The following PPP2R5E variants were observed in gnomAD, a reference collection of about 807,000 sequenced individuals.
The protein encoded by PPP2R5E is serine/threonine-protein phosphatase 2A 56 kDa regulatory subunit epsilon isoform.
In PPP2R5E, 4 loss-of-function variants were observed where a neutral mutation model predicts 65.3. The ratio of observed to expected loss-of-function variants is 0.06; its 90% CI spans 0.03 to 0.14. PPP2R5E has a LOEUF of 0.14. Among genes scored for constraint, PPP2R5E ranks in the 10% least tolerant of loss-of-function variants. The pLI is 1.00. For synonymous variants in PPP2R5E, 183 were observed against 187.4 expected (o/e 0.98, Z 0.19); for missense variants, 274 against 556.1 (o/e 0.49, Z 5.10).
intron 4 of PPP2R5E, among the ~76,000 whole-genome samples, chr14:63,416,223 G>C (rs1262624276): frequency 1.3e-5 from 2 of 152,230 alleles, no homozygotes; most frequent in African/African-American, 4.8e-5. Flanking sequence ...AGAAGGCTGA[G>C]GAGGGAGGAC....
intron 3 of PPP2R5E, among the ~76,000 whole-genome samples, chr14:63,424,301 T>C (rs1434553001): frequency 1.3e-5 from 2 of 152,100 alleles, no homozygotes; most frequent in Non-Finnish European, 2.9e-5. Context: ...TAGAGACATA[T>C]TAAGGGAGCA....
intron 2 of PPP2R5E, among the ~76,000 whole-genome samples, chr14:63,473,010 G>A (rs760725433): frequency 2.6e-5 from 4 of 152,192 alleles, no homozygotes; most frequent in Non-Finnish European, 5.9e-5. Context: ...GTTGATGGCC[G>A]TGGAAGAATA....
At chr14:63,527,924 G>GAA (rs397806689) in intron 2 of PPP2R5E, among the ~76,000 whole-genome samples, 8 of 123,258 alleles carry the variant, frequency 6.5e-5, no homozygotes, top group African/African-American at 1.5e-4. Context: ...GACAATGTAA[G>GAA]AAAAAAAAAA....
chr14:63,458,077 T>C (rs939134793), intron 2 of PPP2R5E, among the ~76,000 whole-genome samples: 1 of 152,174 alleles, frequency 6.6e-6, no homozygotes, highest in Non-Finnish European at 1.5e-5. Context: ...GTTCATTACA[T>C]CTGAATATTT....
chr14:63,519,168 C>G (rs1892781139), intron 2 of PPP2R5E, among the ~76,000 whole-genome samples: 1 of 151,814 alleles, frequency 6.6e-6, no homozygotes. Context: ...GAGCCAAGAT[C>G]GTGCCATTGC....
chr14:63,391,806 T>C lies in PPP2R5E; in HGVS notation c.954+11A>G. On this transcript the variant is annotated intron_variant, in intron 10 of 13. Transcript: ENST00000337537. ...GTAAGCTATGAACACTCTCTGACAG[T>C]AAGCACTTACCTCTTTTTGACTACA... is the stretch of plus-strand genomic sequence containing the variant. The C allele has an allele frequency of 6.2e-7, 1 of 1,611,412 alleles. No homozygotes were observed. The highest frequency in any genetic ancestry group is 8.5e-7 in the Non-Finnish European group (1 of 1,177,562).
chr14:63,423,328 C>T (rs1159064864), intron 3 of PPP2R5E, among the ~76,000 whole-genome samples: 1 of 152,184 alleles, frequency 6.6e-6, no homozygotes, highest in Admixed American at 6.5e-5. Context: ...AACTCCTGAC[C>T]TCAAGTGACC....
chr14:63,387,507 T>C (rs1337489977), intron 11 of PPP2R5E, among the ~76,000 whole-genome samples: 1 of 152,140 alleles, frequency 6.6e-6, no homozygotes, highest in African/African-American at 2.4e-5. Flanking sequence ...CAATGATAAG[T>C]GTCTGGCTAC....
At chr14:63,434,199 A>G (rs1474294988) in intron 3 of PPP2R5E, among the ~76,000 whole-genome samples, 1 of 152,204 alleles carries the variant, frequency 6.6e-6, no homozygotes, top group Non-Finnish European at 1.5e-5. Context: ...ATGCAAAAAA[A>G]ATCAGTCTCT....
In PPP2R5E at chr14:63,503,483, C is replaced by T. The variant is rs567775426; in HGVS notation, c.157+36046G>A. On this transcript the variant is annotated intron_variant, in intron 2 of 13. Transcript: ENST00000337537. ...CAGGTAAAAGATAGCAAATCAACAA[C>T]TCCAACCAATTTCTCAGGTGATTCC... Among the ~76,000 whole-genome samples, 3 of 152,294 alleles carry T rather than the reference C, an allele frequency of 2.0e-5. No individual in the cohort carries two copies. The South Asian group carries it at 6.2e-4, about 32-fold the overall frequency.
At chr14:63,498,343 C>A (rs994742212) in intron 2 of PPP2R5E, among the ~76,000 whole-genome samples, 11 of 151,000 alleles carry the variant, frequency 7.3e-5, no homozygotes, top group Non-Finnish European at 1.3e-4. Context: ...ACCTCTCTGT[C>A]CACTTCACTA....
chr14:63,404,213 G>A (rs7144210), intron 5 of PPP2R5E, among the ~76,000 whole-genome samples: 48,678 of 151,960 alleles, frequency 0.32, 10,829 homozygotes, highest in African/African-American at 0.61. Flanking sequence ...AGAGCAAAAG[G>A]TTTCGAGCAA....
Position 63,529,495 on chromosome 14 carries a change from G to T in PPP2R5E, c.157+10034C>A, listed in dbSNP as rs534139861. Reference sequence around the variant, plus strand: ...CCTGCCTCAGCCTTCCGAGTAGCTGGGACTACAGGCACCTGCTACCACGCC... The same window carrying T: ...CCTGCCTCAGCCTTCCGAGTAGCTGTGACTACAGGCACCTGCTACCACGCC... On this transcript the variant is annotated intron_variant, in intron 2 of 13. Transcript: ENST00000337537. Among the ~76,000 whole-genome samples, 3 of 151,994 alleles carry T rather than the reference G, an allele frequency of 2.0e-5. No homozygotes were observed. The East Asian group carries it at 5.8e-4, about 29-fold the overall frequency.
rs113618626 is a variant in PPP2R5E at position 63,429,689 on chromosome 14, GT to G, written c.355-7596del. Among the ~76,000 whole-genome samples, 589 of 144,408 alleles carry G rather than the reference GT, an allele frequency of 4.1e-3. 3 individuals are homozygous for G. Among genetic ancestry groups the G allele is most frequent in the African/African-American group, 0.013 (523 of 39,646 alleles). 94.7% of individuals were successfully genotyped at this position (144,408 alleles called of 152,430 possible). A position where few individuals can be genotyped will look rare whatever the true frequency, so the allele number is the denominator to read the frequency against. On this transcript the variant is annotated intron_variant, in intron 3 of 13. Transcript: ENST00000337537. Reference sequence around the variant, plus strand: ...TGTTTGTTTTTGTTTTTTGTTTTTTGTTTTTTTTTTTGAGACAGATTTTCAT... The same window carrying G: ...TGTTTGTTTTTGTTTTTTGTTTTTTGTTTTTTTTTTGAGACAGATTTTCAT...
intron 2 of PPP2R5E, among the ~76,000 whole-genome samples, chr14:63,532,487 G>A (rs2139761279): frequency 6.6e-6 from 1 of 152,114 alleles, no homozygotes; most frequent in African/African-American, 2.4e-5. Flanking sequence ...AAACGTTTGT[G>A]GCTGCAAAAT....
At chr14:63,494,910 C>G (rs771464395) in intron 2 of PPP2R5E, among the ~76,000 whole-genome samples, 3 of 141,568 alleles carry the variant, frequency 2.1e-5, no homozygotes, top group Non-Finnish European at 3.1e-5. Flanking sequence ...AAACAAAAAG[C>G]AAAAACAAAA....
chr14:63,485,431 T>G lies in PPP2R5E; in HGVS notation c.158-31546A>C, dbSNP rs1336269755. Reference sequence around the variant, plus strand: ...TTGTTCGTTTTTTGGGGGGTTTTTTTGAGACGGAGTTTCACTCTTGTTGCC... The same window carrying G: ...TTGTTCGTTTTTTGGGGGGTTTTTTGGAGACGGAGTTTCACTCTTGTTGCC... On this transcript the variant is annotated intron_variant, in intron 2 of 13. Transcript: ENST00000337537. Among the ~76,000 whole-genome samples the G allele has an allele frequency of 4.6e-5, 7 of 152,152 alleles. No homozygotes were observed. The South Asian group carries it at 6.2e-4, about 14-fold the overall frequency.
intron 2 of PPP2R5E, among the ~76,000 whole-genome samples, chr14:63,507,708 T>C (rs1357235065): frequency 3.3e-5 from 5 of 151,380 alleles, no homozygotes; most frequent in Admixed American, 6.6e-5. Context: ...GCCTGCCAAG[T>C]AGCTGGGACT....
chr14:63,520,690 T>C (rs1052755987), intron 2 of PPP2R5E, among the ~76,000 whole-genome samples: 2 of 151,890 alleles, frequency 1.3e-5, no homozygotes, highest in African/African-American at 4.8e-5. Flanking sequence ...GCGGACTCCT[T>C]TCATAGCTGT....
Sources: gnomAD v4.1 joint callset for allele counts (sites outside exome capture counted in the v4.1 genomes callset) on GRCh38, gnomAD v4.1.1 for gene constraint, MANE v1.5 for transcripts, NCBI Gene and HGNC (gene_info 2026-07-23, HGNC 2026-07-21) for gene names.